The following TOX4 variants were observed in gnomAD, a reference collection of about 807,000 sequenced individuals.
The protein encoded by TOX4 is epidermal Langerhans cell protein LCP1.
In TOX4, 12 loss-of-function variants were observed where a neutral mutation model predicts 61.0. The observed-to-expected ratio is 0.20, with a 90% CI of 0.13 to 0.32. The LOEUF (loss-of-function observed/expected upper bound fraction) is 0.32. TOX4 is among the 10% of genes least tolerant of loss of function. The pLI is 1.00. For synonymous variants in TOX4, 268 were observed against 274.8 expected (o/e 0.98, Z 0.24); for missense variants, 499 against 753.3 (o/e 0.66, Z 3.95).
At chr14:21,477,336 T>A in intron 1 of TOX4, 52 bp downstream of exon 1, 1 of 1,613,732 alleles carries the variant, frequency 6.2e-7, no homozygotes, top group Non-Finnish European at 8.5e-7. Context: ...CCGACCGGGT[T>A]GAAGCAGGGA....
intron 2 of TOX4, chr14:21,482,442 G>T (rs1352173648): frequency 7.6e-6 from 3 of 394,076 alleles, no homozygotes; most frequent in Non-Finnish European, 1.5e-5. Context: ...ATAATAGATT[G>T]TATGTTTTGG....
chr14:21,477,435 C>T, intron 1 of TOX4, 61 bp from the exon 2 acceptor site: 1 of 1,609,712 alleles, frequency 6.2e-7, no homozygotes, highest in South Asian at 1.1e-5. Context: ...CAAAAGCCAT[C>T]GCTCCAAGCT....
rs1040035967 is a variant in TOX4 at position 21,497,655 on chromosome 14, G to A, written c.*1049G>A. ...CGATTCTCCTGCATCAGCCTCCCGA[G>A]TAGCTAGGATTACAGGCGCCCGCCA... On this transcript the variant is annotated 3_prime_UTR_variant, in exon 9 of 9. Transcript: ENST00000448790. The A allele has an allele frequency of 1.3e-5, 2 of 151,588 alleles. No individual in the cohort carries two copies. Among genetic ancestry groups the A allele is most frequent in the Non-Finnish European group, 2.9e-5 (2 of 68,022 alleles). The allele number at this position is 151,588 out of a possible 1,614,324, so 9.4% of individuals were successfully genotyped here.
At position 21,480,107 on chromosome 14, in the gene TOX4, G is replaced by T. The variant is rs13329035; in HGVS notation, c.75+2543G>T. Among the ~76,000 whole-genome samples the T allele has an allele frequency of 1.1e-4, 16 of 152,162 alleles. No homozygotes were observed. In the South Asian group the frequency reaches 3.3e-3, roughly 32 times the overall value. On this transcript the variant is annotated intron_variant, in intron 2 of 8. Transcript: ENST00000448790. ...CTTGGCCTCCCAAAGTACTAGTATT[G>T]TAGGTGTGAGCCACCATGCCAGGAC...
rs371791862 is a variant in TOX4, at chr14:21,488,579, G to A, written c.319-11G>A. On this transcript the variant is annotated splice_polypyrimidine_tract_variant and intron_variant, in intron 3 of 8. Transcript: ENST00000448790. ...TATTTAGTGTTTAATTAGTCCTTCT[G>A]CTTCTCTCAGGACTTGGACCACTCT... The A allele has an allele frequency of 3.8e-5, 61 of 1,608,282 alleles. 1 individual carries two copies. In the African/African-American group the frequency reaches 7.4e-4, roughly 19 times the overall value.
chr14:21,498,959 C>G lies in TOX4; in HGVS notation c.*2353C>G, dbSNP rs940108922. The G allele has an allele frequency of 7.2e-5, 80 of 1,110,932 alleles. No homozygotes were observed. The highest frequency in any genetic ancestry group is 1.4e-6 in the Non-Finnish European group (1 of 725,814). 68.8% of individuals were successfully genotyped at this position (1,110,932 alleles called of 1,614,324 possible). On this transcript the variant is annotated 3_prime_UTR_variant, in exon 9 of 9. Transcript: ENST00000448790. ...TAGTGTAAAACAATGTGAAGCTCTA[C>G]TAAGTTCTGTCCTTAATCATAAATA...
rs578238382 is a variant in TOX4 at position 21,491,638 on chromosome 14, C to T, written c.811-658C>T. ...TTGGCCTCCCAAAGTGCTGGGATTA[C>T]AGGCGTGAGCCACCGCACCTGGCAG... On this transcript the variant is annotated intron_variant, in intron 5 of 8. Transcript: ENST00000448790. Among the ~76,000 whole-genome samples, 10 of 149,188 alleles carry T rather than the reference C, an allele frequency of 6.7e-5. No individual in the cohort carries two copies. The East Asian group carries it at 2.0e-3, about 29-fold the overall frequency.
In TOX4 at chr14:21,488,576, T is replaced by C; in HGVS notation, c.319-14T>C. The C allele has an allele frequency of 6.2e-7, 1 of 1,608,228 alleles. No homozygotes were observed. Among genetic ancestry groups the C allele is most frequent in the Non-Finnish European group, 8.5e-7 (1 of 1,174,954 alleles). ...TTATATTTAGTGTTTAATTAGTCCT[T>C]CTGCTTCTCTCAGGACTTGGACCAC... On this transcript the variant is annotated splice_polypyrimidine_tract_variant and intron_variant, in intron 3 of 8. Transcript: ENST00000448790.
At position 21,497,219 on chromosome 14, in the gene TOX4, T is replaced by C. The variant is rs1179765200; in HGVS notation, c.*613T>C. Reference sequence around the variant, plus strand: ...TCTAAGAGGCGGAACTCTACATCATTAGTAAGAGGTTCCACCAAAGTCTAA... The same window carrying C: ...TCTAAGAGGCGGAACTCTACATCATCAGTAAGAGGTTCCACCAAAGTCTAA... On this transcript the variant is annotated 3_prime_UTR_variant, in exon 9 of 9. Coordinates refer to ENST00000448790, the MANE Select transcript of TOX4 (RefSeq NM_014828.4). 1 of 152,254 alleles carries C rather than the reference T, an allele frequency of 6.6e-6. No individual in the cohort carries two copies. Among genetic ancestry groups the C allele is most frequent in the Non-Finnish European group, 1.5e-5 (1 of 68,078 alleles). 9.4% of individuals were successfully genotyped at this position (152,254 alleles called of 1,614,324 possible).
chr14:21,487,797 C>T, intron 3 of TOX4, 104 bp downstream of exon 3: 1 of 1,328,014 alleles, frequency 7.5e-7, no homozygotes, highest in Non-Finnish European at 9.9e-7. Context: ...ACTTGTTTCT[C>T]TTCTTGTGGC....
chr14:21,480,948 G>T (rs1891097003), intron 2 of TOX4, among the ~76,000 whole-genome samples: 2 of 152,016 alleles, frequency 1.3e-5, no homozygotes, highest in Admixed American at 6.6e-5. Context: ...AAATTAGCCG[G>T]GTGTGGCAGC....
In TOX4 at chr14:21,493,089, G is replaced by A; in HGVS notation, c.1473G>A (p.Leu491=). The part of the protein sequence containing the change: ...RINLQQQPPP[L]QIKSVPLPTL... Reference sequence around the variant, plus strand: ...ATTTACAGCAACAGCCTCCTCCTCTGCAGATCAAGAGTGTGCCTCTACCCA... The same window carrying A: ...ATTTACAGCAACAGCCTCCTCCTCTACAGATCAAGAGTGTGCCTCTACCCA... The change falls in exon 7 of 9, where the codon CTG becomes CTA. Residue 491 remains leucine (L), a synonymous_variant. Coordinates refer to ENST00000448790, the MANE Select transcript of TOX4 (RefSeq NM_014828.4). The A allele has an allele frequency of 6.2e-7, 1 of 1,614,102 alleles. No homozygotes were observed. The highest frequency in any genetic ancestry group is 1.1e-5 in the South Asian group (1 of 91,066).
Position 21,493,242 on chromosome 14 carries a change from A to G in TOX4, c.1626A>G (p.Thr542=). 1 of 1,610,174 alleles carries G rather than the reference A, an allele frequency of 6.2e-7. No homozygotes were observed. The highest frequency in any genetic ancestry group is 8.5e-7 in the Non-Finnish European group (1 of 1,178,522). The part of the protein sequence containing the change: ...PSPETICEMI[T]DVVPEVESPS... ...CTGAGACTATCTGTGAGATGATCACAGATGTAGTTCCTGAGGTGAGCCTTT... is the reference window on the plus strand; with the variant it reads ...CTGAGACTATCTGTGAGATGATCACGGATGTAGTTCCTGAGGTGAGCCTTT... Residue 542 remains threonine (T), a synonymous_variant, in exon 7 of 9, where the codon ACA becomes ACG. Transcript: ENST00000448790.
chr14:21,496,266 G>A lies in TOX4; in HGVS notation c.1806-280G>A, dbSNP rs143326115. The stretch of plus-strand genomic sequence containing the variant: ...GTAGCGGCCGGGCGCGGTGGCTCAC[G>A]CTTGTAATCCCAGCACTTTGGGAGG... On this transcript the variant is annotated intron_variant, in intron 8 of 8. Transcript: ENST00000448790. 5.7e-4 allele frequency: 125 copies of A among 218,826 alleles called. 2 individuals are homozygous for A. In the Middle Eastern group the frequency reaches 7.1e-3, roughly 12 times the overall value. 13.6% of individuals were successfully genotyped at this position (218,826 alleles called of 1,614,324 possible). A position where few individuals can be genotyped will look rare whatever the true frequency, so the allele number is the denominator to read the frequency against.
Position 21,492,924 on chromosome 14 carries a change from G to C in TOX4, c.1308G>C (p.Met436Ile), listed in dbSNP as rs1891324067. Residue 436 changes from methionine (M) to isoleucine (I), a missense_variant, in exon 7 of 9, where the codon ATG (methionine) becomes ATC (isoleucine). Transcript: ENST00000448790. The part of the protein sequence containing the change: ...AAAAAAAAAS[M>I]QLPPPRLQPP... ...CAGCTGCTGCTGCTGCTGCTTCTATGCAACTGCCTCCACCCCGACTACAGC... is the reference window on the plus strand; with the variant it reads ...CAGCTGCTGCTGCTGCTGCTTCTATCCAACTGCCTCCACCCCGACTACAGC... 6.2e-7 allele frequency: 1 copy of C among 1,609,198 alleles called. No individual in the cohort carries two copies. Among genetic ancestry groups the C allele is most frequent in the Admixed American group, 1.7e-5 (1 of 58,032 alleles).
At chr14:21,477,429 A>T in intron 1 of TOX4, 67 bp from the exon 2 acceptor site, 1 of 1,610,476 alleles carries the variant, frequency 6.2e-7, no homozygotes. Flanking sequence ...CAGGGTCAAA[A>T]GCCATCGCTC....
chr14:21,477,329 A>C (rs1891010291), intron 1 of TOX4, 45 bp downstream of exon 1: 2 of 1,613,878 alleles, frequency 1.2e-6, no homozygotes, highest in African/African-American at 2.7e-5. Flanking sequence ...AACGCGGCCG[A>C]CCGGGTTGAA....
At chr14:21,480,862 G>A (rs1399485541) in intron 2 of TOX4, among the ~76,000 whole-genome samples, 1 of 152,156 alleles carries the variant, frequency 6.6e-6, no homozygotes, top group African/African-American at 2.4e-5. Flanking sequence ...AGGCTGAGGC[G>A]AGTGGATCAC....
chr14:21,494,571 A>C lies in TOX4; in HGVS notation c.1642-658A>C, dbSNP rs1234352792. 2.6e-5 allele frequency among the ~76,000 whole-genome samples: 4 copies of C among 151,714 alleles called. No individual in the cohort carries two copies. In the South Asian group the frequency reaches 6.2e-4, roughly 24 times the overall value. On this transcript the variant is annotated intron_variant, in intron 7 of 8. Transcript: ENST00000448790. ...GACCATCCTGGCTAACACGGTGAAAACCCGTCTCTACTAAAAAATACAAAA... is the reference window on the plus strand; with the variant it reads ...GACCATCCTGGCTAACACGGTGAAACCCCGTCTCTACTAAAAAATACAAAA...
Sources: gnomAD v4.1 joint callset for allele counts (sites outside exome capture counted in the v4.1 genomes callset) on GRCh38, gnomAD v4.1.1 for gene constraint, MANE v1.5 for transcripts, NCBI Gene and HGNC (gene_info 2026-07-23, HGNC 2026-07-21) for gene names.